Variants in NBAS observed in about 807,000 individuals in gnomAD.
NBAS encodes the protein NBAS subunit of NRZ tethering complex.
A neutral mutation model predicts 302.5 loss-of-function variants in NBAS; 219 were observed. The observed-to-expected ratio is 0.72, with a 90% CI of 0.65 to 0.81. The LOEUF is 0.81. NBAS is among the 30% of genes least tolerant of loss of function. NBAS has a pLI of 0.00. For missense variants in NBAS, 2,932 were observed against 2,841.6 expected (o/e 1.03, Z -0.72); for synonymous variants, 1,118 against 1,021.6 (o/e 1.09, Z -1.80).
At chr2:15,116,013 A>C in the NBAS span, among the ~76,000 whole-genome samples, 16 of 152,302 alleles carry the variant, frequency 1.1e-4, no homozygotes, top group Non-Finnish European at 1.0e-4. Flanking sequence ...GCAACATCAT[A>C]TATCTGCAGA....
the NBAS span, among the ~76,000 whole-genome samples, chr2:14,785,746 A>G: frequency 1.3e-5 from 2 of 152,194 alleles, no homozygotes; most frequent in South Asian, 2.1e-4. Context: ...GGATTTTTGC[A>G]TCAATGTTCA....
the NBAS span, among the ~76,000 whole-genome samples, chr2:14,787,054 T>C: frequency 6.6e-5 from 10 of 152,236 alleles, no homozygotes; most frequent in Non-Finnish European, 1.3e-4. Flanking sequence ...TCTTGTTGAA[T>C]TGATCCCTTT....
At chr2:14,938,709 T>C in the NBAS span, among the ~76,000 whole-genome samples, 1 of 152,172 alleles carries the variant, frequency 6.6e-6, no homozygotes, top group Non-Finnish European at 1.5e-5. Context: ...TTCTTTAACA[T>C]TTTCATACAA....
rs553324381 is a variant in NBAS, at chr2:15,471,092, C to T, written c.1725+2130G>A. On this transcript the variant is annotated intron_variant, in intron 16 of 51. Coordinates refer to ENST00000281513, the MANE Select transcript of NBAS (RefSeq NM_015909.4). ...GTCTATTTAACTAAACGAAATATTC[C>T]CCTCCCCAAAAAAGTACTTGCTTTG... Among the ~76,000 whole-genome samples the T allele has an allele frequency of 7.2e-5, 11 of 152,206 alleles. 1 individual carries two copies. The South Asian group carries it at 1.5e-3, about 20-fold the overall frequency.
At chr2:15,179,293 T>A in intron 50 of NBAS, 177 bp from the exon 51 acceptor site, 1 of 868,554 alleles carries the variant, frequency 1.2e-6, no homozygotes, top group Non-Finnish European at 1.8e-6. Flanking sequence ...TTCACTTGGT[T>A]CACAGTAAAC....
At chr2:15,065,568 A>G in the NBAS span, among the ~76,000 whole-genome samples, 1 of 152,170 alleles carries the variant, frequency 6.6e-6, no homozygotes, top group Non-Finnish European at 1.5e-5. Context: ...CAATATCATC[A>G]TACAAAATCA....
Position 15,520,294 on chromosome 2 carries a change from C to T in NBAS, c.747-8944G>A, listed in dbSNP as rs1662601865. 2.0e-5 allele frequency among the ~76,000 whole-genome samples: 3 copies of T among 152,118 alleles called. No homozygotes were observed. The South Asian group carries it at 6.2e-4, about 32-fold the overall frequency. On this transcript the variant is annotated intron_variant, in intron 9 of 51. Transcript: ENST00000281513. Reference sequence around the variant, plus strand: ...ACATGTGCCTGTAGTCCCAGTTACTCAGAAGGCTGAGGAGGGAGGATCGCT... The same window carrying T: ...ACATGTGCCTGTAGTCCCAGTTACTTAGAAGGCTGAGGAGGGAGGATCGCT...
chr2:15,536,602 A>G (rs761158132), intron 7 of NBAS, 51 bp from the exon 8 acceptor site: 1 of 1,455,384 alleles, frequency 6.9e-7, no homozygotes, highest in Non-Finnish European at 9.5e-7. Flanking sequence ...ACTAGATAAA[A>G]GTTAACACAT....
At chr2:15,046,716 A>C in the NBAS span, among the ~76,000 whole-genome samples, 1 of 152,302 alleles carries the variant, frequency 6.6e-6, no homozygotes, top group African/African-American at 2.4e-5. Flanking sequence ...GCGGGGAAAA[A>C]GAGTTATTCT....
At chr2:15,465,860 G>A (rs971415889) in intron 19 of NBAS, among the ~76,000 whole-genome samples, 1 of 151,932 alleles carries the variant, frequency 6.6e-6, no homozygotes, top group Non-Finnish European at 1.5e-5. Flanking sequence ...GAACATTTTA[G>A]GCACTTTTTA....
intron 25 of NBAS, among the ~76,000 whole-genome samples, chr2:15,414,088 C>T (rs1487531249): frequency 1.3e-5 from 2 of 152,150 alleles, no homozygotes; most frequent in African/African-American, 4.8e-5. Context: ...CCACAAGCAA[C>T]CCACCCTGAC....
the NBAS span, among the ~76,000 whole-genome samples, chr2:14,892,816 C>T: frequency 1.3e-5 from 2 of 151,924 alleles, no homozygotes; most frequent in South Asian, 2.1e-4. Context: ...TGTTTGGATT[C>T]GATTTTTATC....
At chr2:15,552,724 C>T (rs1048878498) in intron 5 of NBAS, among the ~76,000 whole-genome samples, 6 of 151,962 alleles carry the variant, frequency 3.9e-5, no homozygotes, top group South Asian at 4.2e-4. Flanking sequence ...TCAAGTAATA[C>T]GTAACCTAGG....
At chr2:14,894,061 G>C in the NBAS span, among the ~76,000 whole-genome samples, 2 of 152,202 alleles carry the variant, frequency 1.3e-5, no homozygotes, top group African/African-American at 4.8e-5. Flanking sequence ...CCAGTATCAA[G>C]TCTTACTTAG....
Position 15,196,822 on chromosome 2 carries a change from T to A in NBAS, c.6433-6419A>T, listed in dbSNP as rs1166599575. On this transcript the variant is annotated intron_variant, in intron 48 of 51. Transcript: ENST00000281513. ...ATGCATTGTTTTCATAATTGGAGGT[T>A]TCTGTTTGTTCGTTTAAAGAAAGAA... 3.5e-5 allele frequency among the ~76,000 whole-genome samples: 5 copies of A among 142,256 alleles called. No individual in the cohort carries two copies. In the South Asian group the frequency reaches 7.4e-4, roughly 21 times the overall value. The allele number at this position is 142,256 out of a possible 152,430, so 93.3% of individuals were successfully genotyped here.
the NBAS span, among the ~76,000 whole-genome samples, chr2:15,112,136 C>A: frequency 1.3e-5 from 2 of 150,966 alleles, no homozygotes; most frequent in African/African-American, 4.9e-5. Context: ...AGATAAAAAT[C>A]ATAACTTACT....
chr2:15,429,760 T>C (rs1373366745), intron 21 of NBAS, among the ~76,000 whole-genome samples: 2 of 152,220 alleles, frequency 1.3e-5, no homozygotes, highest in Non-Finnish European at 2.9e-5. Flanking sequence ...AGATAGGTTT[T>C]TGAAGGTGTG....
At chr2:15,541,981 C>T (rs1218763960) in intron 6 of NBAS, among the ~76,000 whole-genome samples, 1 of 69,408 alleles carries the variant, frequency 1.4e-5, no homozygotes, top group East Asian at 2.6e-4. Context: ...GACCGGCCAG[C>T]CACCCCGTCC....
the NBAS span, among the ~76,000 whole-genome samples, chr2:14,966,017 G>A: frequency 6.6e-6 from 1 of 152,142 alleles, no homozygotes; most frequent in Non-Finnish European, 1.5e-5. Flanking sequence ...GAGATAAAGA[G>A]ACACAAGAAG....
Sources: gnomAD v4.1 joint callset for allele counts (sites outside exome capture counted in the v4.1 genomes callset) on GRCh38, gnomAD v4.1.1 for gene constraint, MANE v1.5 for transcripts, NCBI Gene and HGNC (gene_info 2026-07-23, HGNC 2026-07-21) for gene names.